The following NHLRC3 variants were observed in gnomAD, a reference collection of about 807,000 sequenced individuals.
NHLRC3 encodes NHL repeat-containing protein 3.
NHLRC3 carries 23 observed loss-of-function variants against 32.0 expected under a neutral mutation model. That is an observed-to-expected ratio of 0.72 (90% CI 0.52 to 1.02). NHLRC3 has a LOEUF of 1.02. NHLRC3 is among the 50% of genes least tolerant of loss of function. NHLRC3 has a pLI of 0.00. For synonymous variants in NHLRC3, 159 were observed against 147.9 expected (o/e 1.08, Z -0.55); for missense variants, 407 against 406.8 (o/e 1.00, Z -0.01).
At chr13:39,038,797 C>T (rs1462510101) in intron 1 of NHLRC3, 74 bp downstream of exon 1, 4 of 1,249,420 alleles carry the variant, frequency 3.2e-6, no homozygotes, top group Non-Finnish European at 2.4e-6. Context: ...ACGGTCGTGG[C>T]ATGGAGGTGG....
Position 39,039,594 on chromosome 13 carries a change from T to A in NHLRC3, c.268T>A (p.Phe90Ile). 6.2e-7 allele frequency: 1 copy of A among 1,612,432 alleles called. No individual in the cohort carries two copies. Among genetic ancestry groups the A allele is most frequent in the Non-Finnish European group, 8.5e-7 (1 of 1,178,464 alleles). ...GGATAACATCCCAAAGATATTAGTG[T>A]TCACAGAGGATGGATATTTCCTACG... ...RGDNIPKILV[F>I]TEDGYFLRAW... Residue 90 changes from phenylalanine (F) to isoleucine (I), a missense_variant, in exon 3 of 7, where the codon TTC becomes ATC. Coordinates refer to ENST00000379600, the MANE Select transcript of NHLRC3 (RefSeq NM_001012754.4).
chr13:39,044,111 A>C lies in NHLRC3; in HGVS notation c.608A>C (p.His203Pro). The C allele has an allele frequency of 6.2e-7, 1 of 1,613,358 alleles. No homozygotes were observed. The highest frequency in any genetic ancestry group is 8.5e-7 in the Non-Finnish European group (1 of 1,179,300). The change falls in exon 5 of 7, where the codon CAT (histidine) becomes CCT (proline). Residue 203 changes from histidine (H) to proline (P), a missense_variant. Physicochemically the swap from His to Pro is moderately conservative, Grantham distance 77. Transcript: ENST00000379600. Reference protein sequence around the residue: ...LSQDFMILWLHGENGTGPAKF... With the variant: ...LSQDFMILWLPGENGTGPAKF... ...ATAGATTTCATGATCCTTTGGCTGC[A>C]TGGAGAAAATGGGACAGGGCCTGCT...
rs1593556613 is a variant in NHLRC3, at chr13:39,049,631, A to G, written c.*1705A>G. The G allele has an allele frequency of 6.6e-6, 1 of 152,240 alleles. No homozygotes were observed. The allele number at this position is 152,240 out of a possible 1,614,324, so 9.4% of individuals were successfully genotyped here. On this transcript the variant is annotated 3_prime_UTR_variant, in exon 7 of 7. Transcript: ENST00000379600. ...CATTTATCAAAACGTATCCTCATAG[A>G]CTTTATGCAGATTAATATGGTCAAT...
At chr13:39,044,235 GTGTGTGTGTGTGT>G (rs1871579582) in intron 5 of NHLRC3, 54 bp downstream of exon 5, 6 of 761,396 alleles carry the variant, frequency 7.9e-6, no homozygotes, top group African/African-American at 1.7e-5. Flanking sequence ...ATGTTTGTGT[GTGTGTGTGTGTGT>G]GTGTGTGTGT....
chr13:39,044,025 T>C (rs1438822432), intron 4 of NHLRC3, 65 bp from the exon 5 acceptor site: 12 of 1,152,848 alleles, frequency 1.0e-5, no homozygotes, highest in Non-Finnish European at 1.4e-5. Context: ...ACCTGTTTCA[T>C]AAAATATGCA....
intron 4 of NHLRC3, 96 bp downstream of exon 4, chr13:39,042,401 G>A (rs1231948722): frequency 2.7e-6 from 2 of 745,266 alleles, no homozygotes; most frequent in Non-Finnish European, 4.3e-6. Context: ...GTATGAAGCG[G>A]TGTGTAAAGA....
rs1162445640 is a variant in NHLRC3 at position 39,044,109 on chromosome 13, G to T, written c.606G>T (p.Leu202=). The change falls in exon 5 of 7, where the codon CTG becomes CTT. Residue 202 remains leucine (L), a synonymous_variant. Transcript: ENST00000379600. ...TTATAGATTTCATGATCCTTTGGCT[G>T]CATGGAGAAAATGGGACAGGGCCTG... The part of the protein sequence containing the change: ...KLSQDFMILW[L]HGENGTGPAK... 6.2e-7 allele frequency: 1 copy of T among 1,612,766 alleles called. No homozygotes were observed. Among genetic ancestry groups the T allele is most frequent in the Non-Finnish European group, 8.5e-7 (1 of 1,178,760 alleles).
intron 1 of NHLRC3, 58 bp from the exon 2 acceptor site, chr13:39,039,078 C>CGAT: frequency 9.6e-7 from 1 of 1,038,070 alleles, no homozygotes; most frequent in Non-Finnish European, 1.4e-6. Context: ...CCCCCCCGCC[C>CGAT]TTTTTTTGTT....
chr13:39,039,238 A>G lies in NHLRC3; in HGVS notation c.187A>G (p.Thr63Ala), dbSNP rs1290427123. The G allele has an allele frequency of 1.9e-6, 3 of 1,614,082 alleles. No individual in the cohort carries two copies. Among genetic ancestry groups the G allele is most frequent in the East Asian group, 4.5e-5 (2 of 44,880 alleles). Reference protein sequence around the residue: ...PKHPEYFTGTTFCVAVDSLNG... With the variant: ...PKHPEYFTGTAFCVAVDSLNG... ...GCACCCAGAATATTTTACCGGAACA[A>G]CATTTTGTGTTGCAGTTGACTCCCT... Residue 63 changes from threonine to alanine, a missense_variant, in exon 2 of 7, where the codon ACA (threonine) becomes GCA (alanine). Transcript: ENST00000379600.
chr13:39,039,323 C>A, intron 2 of NHLRC3, 35 bp downstream of exon 2: 1 of 1,544,622 alleles, frequency 6.5e-7, no homozygotes, highest in Non-Finnish European at 8.9e-7. Flanking sequence ...ATTATGAACA[C>A]AAAGGAAGTA....
intron 1 of NHLRC3, 191 bp downstream of exon 1, chr13:39,038,914 C>T (rs973787906): frequency 2.3e-5 from 15 of 646,118 alleles, no homozygotes; most frequent in Admixed American, 1.7e-4. Flanking sequence ...CCATTTTCCT[C>T]TTTCCCAACT....
rs999944211 is a variant in NHLRC3, at chr13:39,041,858, A to G, written c.386-247A>G. 1.4e-5 allele frequency: 6 copies of G among 419,792 alleles called. No individual in the cohort carries two copies. The Admixed American group carries it at 1.6e-4, about 12-fold the overall frequency. 26.0% of individuals were successfully genotyped at this position (419,792 alleles called of 1,614,324 possible). ...GAGTTTCCTGTATAATGAGTCAATT[A>G]TGGGGATGTTATTTATTTGAATTTA... On this transcript the variant is annotated intron_variant, in intron 3 of 6. Transcript: ENST00000379600.
chr13:39,038,597 C>G lies in NHLRC3; in HGVS notation c.-43C>G, dbSNP rs769616401. On this transcript the variant is annotated 5_prime_UTR_variant, in exon 1 of 7. Transcript: ENST00000379600. ...AGCCTGAGGCTGTCAGGTCCTCCCC[C>G]AGACACCTGCGGACCCTCCCTCTCC... 1.4e-5 allele frequency: 22 copies of G among 1,556,050 alleles called. No individual in the cohort carries two copies. The highest frequency in any genetic ancestry group is 1.0e-4 in the Admixed American group (6 of 59,958).
chr13:39,042,916 A>G (rs1178280878), intron 4 of NHLRC3, among the ~76,000 whole-genome samples: 2 of 152,198 alleles, frequency 1.3e-5, no homozygotes, highest in East Asian at 3.9e-4. Context: ...GTCTACAGGC[A>G]TTTATTAGCA....
rs1303383806 is a variant in NHLRC3 at position 39,039,220 on chromosome 13, G to A, written c.169G>A (p.Glu57Lys). 1.9e-6 allele frequency: 3 copies of A among 1,613,984 alleles called. No homozygotes were observed. The highest frequency in any genetic ancestry group is 2.2e-5 in the South Asian group (2 of 91,082). ...RLDVGWPKHP[E>K]YFTGTTFCVA... is the part of the protein sequence containing the mutation. The stretch of plus-strand genomic sequence containing the variant: ...GGATGTGGGTTGGCCTAAGCACCCA[G>A]AATATTTTACCGGAACAACATTTTG... The change falls in exon 2 of 7, where the codon GAA becomes AAA. Residue 57 changes from glutamate to lysine, a missense_variant. Glu to Lys is a moderately conservative substitution (Grantham distance 56). Coordinates refer to ENST00000379600, the MANE Select transcript of NHLRC3 (RefSeq NM_001012754.4).
chr13:39,042,946 A>C (rs1871520002), intron 4 of NHLRC3, among the ~76,000 whole-genome samples: 1 of 152,188 alleles, frequency 6.6e-6, no homozygotes, highest in Non-Finnish European at 1.5e-5. Context: ...GTGAAGATGC[A>C]CTTTTTCAGC....
chr13:39,043,970 A>G, intron 4 of NHLRC3, 120 bp from the exon 5 acceptor site: 1 of 739,396 alleles, frequency 1.4e-6, no homozygotes, highest in African/African-American at 1.7e-5. Flanking sequence ...AAGCCGAGAA[A>G]GCATAGTCAA....
intron 5 of NHLRC3, among the ~76,000 whole-genome samples, chr13:39,045,220 A>G (rs1871623071): frequency 6.6e-6 from 1 of 152,216 alleles, no homozygotes; most frequent in African/African-American, 2.4e-5. Flanking sequence ...ACGTTAATCA[A>G]CCATGTGAAC....
chr13:39,039,034 C>A (rs376569382), intron 1 of NHLRC3, 102 bp from the exon 2 acceptor site: 1 of 940,920 alleles, frequency 1.1e-6, no homozygotes, highest in East Asian at 2.4e-5. Context: ...TTCTAGTTGT[C>A]AAGGCATGCT....
Sources: gnomAD v4.1 joint callset for allele counts (sites outside exome capture counted in the v4.1 genomes callset) on GRCh38, gnomAD v4.1.1 for gene constraint, MANE v1.5 for transcripts, NCBI Gene and HGNC (gene_info 2026-07-23, HGNC 2026-07-21) for gene names.